Variants in SEPTIN10 observed in about 807,000 individuals in gnomAD.
SEPTIN10 encodes septin 10.
In SEPTIN10, 66 loss-of-function variants were observed where a neutral mutation model predicts 54.8. That is an observed-to-expected ratio of 1.21 (90% CI 0.99 to 1.48). SEPTIN10 has a LOEUF of 1.48. Ranked by LOEUF, SEPTIN10 falls within the 40% of genes most tolerant of loss-of-function variation. SEPTIN10 has a pLI of 0.00. For missense variants in SEPTIN10, 620 were observed against 545.6 expected (o/e 1.14, Z -1.36); for synonymous variants, 161 against 181.0 (o/e 0.89, Z 0.89).
intron 1 of SEPTIN10, among the ~76,000 whole-genome samples, chr2:109,602,338 T>C (rs563872176): frequency 3.9e-5 from 6 of 152,302 alleles, no homozygotes; most frequent in African/African-American, 9.6e-5. Context: ...TTGCATCTTA[T>C]TGATGTGAAA....
At chr2:109,592,072 T>G (rs1464877445) in intron 2 of SEPTIN10, among the ~76,000 whole-genome samples, 1 of 152,178 alleles carries the variant, frequency 6.6e-6, no homozygotes, top group Non-Finnish European at 1.5e-5. Context: ...AGGTGTAATC[T>G]TGCATCAGGG....
intron 2 of SEPTIN10, among the ~76,000 whole-genome samples, chr2:109,590,073 CATATATATGTATATATATACACACAT>C (rs1002042290): frequency 6.8e-6 from 1 of 146,794 alleles, no homozygotes; most frequent in Non-Finnish European, 1.5e-5. Flanking sequence ...TATACACACA[CATATATATGTATATATATACACACAT>C]ATATATGTAT....
In SEPTIN10 at chr2:109,585,270, T is replaced by C; in HGVS notation, c.269A>G (p.Asn90Ser). The change falls in exon 4 of 11, where the codon AAT (asparagine) becomes AGT (serine). Residue 90 changes from asparagine to serine, a missense_variant. By Grantham distance (46) the Asn-to-Ser change is conservative. Coordinates refer to ENST00000397712, the MANE Select transcript of SEPTIN10 (RefSeq NM_144710.5). ...ATGTGAGGATTCATAGTCTTCAAAA[T>C]TAGTATTAAACAATGTGTCAATCAG... The part of the protein sequence containing the change: ...STLIDTLFNT[N>S]FEDYESSHFC... The C allele has an allele frequency of 6.2e-7, 1 of 1,612,552 alleles. No individual in the cohort carries two copies. Among genetic ancestry groups the C allele is most frequent in the Non-Finnish European group, 8.5e-7 (1 of 1,179,392 alleles).
At chr2:109,587,797 CA>C (rs1692931349) in intron 2 of SEPTIN10, among the ~76,000 whole-genome samples, 1 of 152,050 alleles carries the variant, frequency 6.6e-6, no homozygotes, top group South Asian at 2.1e-4. Context: ...CCTGTAGTCC[CA>C]GCTACTCAGG....
At chr2:109,606,749 G>A (rs1044274245) in intron 1 of SEPTIN10, among the ~76,000 whole-genome samples, 1 of 131,728 alleles carries the variant, frequency 7.6e-6, no homozygotes, top group South Asian at 2.5e-4. Context: ...GTGCAATGTC[G>A]GCTCACTGCA....
At chr2:109,583,818 A>G (rs1347421826) in intron 4 of SEPTIN10, among the ~76,000 whole-genome samples, 2 of 152,190 alleles carry the variant, frequency 1.3e-5, no homozygotes, top group African/African-American at 2.4e-5. Flanking sequence ...AAAAAAGAAC[A>G]AAATCAAGTC....
intron 5 of SEPTIN10, among the ~76,000 whole-genome samples, chr2:109,571,658 G>C (rs1430349205): frequency 6.6e-6 from 1 of 152,154 alleles, no homozygotes; most frequent in East Asian, 1.9e-4. Flanking sequence ...GTTTTGCACT[G>C]CAAGACTGTC....
At chr2:109,613,009 G>A in intron 1 of SEPTIN10, 1 of 495,376 alleles carries the variant, frequency 2.0e-6, no homozygotes, top group Non-Finnish European at 3.8e-6. Flanking sequence ...TGTTTACACA[G>A]ATGAAAACCA....
chr2:109,557,231 T>C (rs1684589526), intron 8 of SEPTIN10, among the ~76,000 whole-genome samples: 1 of 152,162 alleles, frequency 6.6e-6, no homozygotes, highest in African/African-American at 2.4e-5. Context: ...CATAAGTTTT[T>C]TAAAACAATG....
intron 8 of SEPTIN10, among the ~76,000 whole-genome samples, chr2:109,562,120 T>A (rs1465333321): frequency 6.6e-6 from 1 of 151,822 alleles, no homozygotes; most frequent in Non-Finnish European, 1.5e-5. Flanking sequence ...GGCTGAGGCA[T>A]GAGAATCGCT....
intron 5 of SEPTIN10, among the ~76,000 whole-genome samples, chr2:109,572,196 T>A (rs1031449478): frequency 6.6e-6 from 1 of 152,186 alleles, no homozygotes; most frequent in South Asian, 2.1e-4. Flanking sequence ...AGTGGTGTGA[T>A]CTTGGCTCAC....
At chr2:109,589,969 A>G in intron 2 of SEPTIN10, among the ~76,000 whole-genome samples, 1 of 152,044 alleles carries the variant, frequency 6.6e-6, no homozygotes. Context: ...CTGAGGTCAG[A>G]GTTTTTAAAA....
chr2:109,582,836 A>G (rs894640191), intron 4 of SEPTIN10, among the ~76,000 whole-genome samples: 8 of 152,204 alleles, frequency 5.3e-5, no homozygotes, highest in Non-Finnish European at 1.0e-4. Context: ...AGACAAATAG[A>G]CCAATGGAAT....
chr2:109,545,601 G>A, intron 10 of SEPTIN10: 2 of 1,532,304 alleles, frequency 1.3e-6, no homozygotes, highest in Middle Eastern at 3.4e-4. Flanking sequence ...CTAAAAAACT[G>A]AACCTAAGAA....
At chr2:109,571,708 T>G (rs1688436329) in intron 5 of SEPTIN10, among the ~76,000 whole-genome samples, 1 of 152,158 alleles carries the variant, frequency 6.6e-6, no homozygotes, top group Admixed American at 6.5e-5. Flanking sequence ...ATCCTCAGGG[T>G]ATCGAAACCA....
rs755301468 is a variant in SEPTIN10 at position 109,587,721 on chromosome 2, G to A, written c.100-1883C>T. ...AAGGTCAGGAGATTGAGACCATCCT[G>A]GCTAACACGGTGAAACCCTGTGTCT... On this transcript the variant is annotated intron_variant, in intron 2 of 10. Transcript: ENST00000397712. 7.9e-5 allele frequency among the ~76,000 whole-genome samples: 12 copies of A among 152,236 alleles called. No homozygotes were observed. In the South Asian group the frequency reaches 2.1e-3, roughly 26 times the overall value.
chr2:109,594,941 G>A (rs148452063), intron 1 of SEPTIN10: 3 of 151,952 alleles, frequency 2.0e-5, no homozygotes, highest in Non-Finnish European at 4.4e-5. Flanking sequence ...AGGCTGGAGT[G>A]CAGGGGTGCA....
intron 2 of SEPTIN10, among the ~76,000 whole-genome samples, chr2:109,590,979 GC>G (rs1693928252): frequency 6.6e-6 from 1 of 152,156 alleles, no homozygotes; most frequent in Non-Finnish European, 1.5e-5. Flanking sequence ...AGGAAGATGG[GC>G]CACGTCTGGC....
At chr2:109,587,643 G>T (rs937782093) in intron 2 of SEPTIN10, among the ~76,000 whole-genome samples, 5 of 152,184 alleles carry the variant, frequency 3.3e-5, no homozygotes, top group African/African-American at 1.2e-4. Context: ...GCCTGGTGTG[G>T]TGGCTCACGC....
Sources: gnomAD v4.1 joint callset for allele counts (sites outside exome capture counted in the v4.1 genomes callset) on GRCh38, gnomAD v4.1.1 for gene constraint, MANE v1.5 for transcripts, NCBI Gene and HGNC (gene_info 2026-07-23, HGNC 2026-07-21) for gene names.